EFCAB5: variants seen among roughly 807,000 people sequenced by gnomAD.
EFCAB5 encodes EF-hand calcium-binding domain-containing protein 5.
Under a neutral mutation model 167.9 loss-of-function variants are expected in EFCAB5, and 131 were observed. The observed-to-expected ratio is 0.78, with a 90% confidence interval of 0.68 to 0.90. The LOEUF (loss-of-function observed/expected upper bound fraction) is 0.90, where lower values mean the gene tolerates loss of function less well. Among genes scored for constraint, EFCAB5 ranks in the 40% least tolerant of loss-of-function variants. EFCAB5 has a pLI of 0.00. For synonymous variants in EFCAB5, 574 were observed against 602.8 expected, an observed-to-expected ratio of 0.95 and a Z score of 0.70; for missense variants, 1,663 against 1,745.2, an observed-to-expected ratio of 0.95 and a Z score of 0.84.
chr17:30,086,120 G>A (rs771627104), intron 18 of EFCAB5, among the ~76,000 whole-genome samples: 17 of 151,826 alleles, frequency 1.1e-4, no homozygotes, highest in Middle Eastern at 3.4e-3. Flanking sequence ...CTCAACCTCC[G>A]GGGTAGCTAA....
chr17:29,948,991 G>T (rs946426671), intron 3 of EFCAB5, among the ~76,000 whole-genome samples: 2 of 152,088 alleles, frequency 1.3e-5, no homozygotes, highest in Non-Finnish European at 2.9e-5. Context: ...TAAGGACAAA[G>T]CCGCTGAGTT....
At chr17:30,065,044 C>T (rs553782584) in intron 14 of EFCAB5, among the ~76,000 whole-genome samples, 9 of 152,252 alleles carry the variant, frequency 5.9e-5, no homozygotes, top group Middle Eastern at 3.4e-3. Context: ...ACCACTAAAC[C>T]GGCCTTACAA....
At chr17:29,968,125 C>T (rs533669755) in intron 3 of EFCAB5, among the ~76,000 whole-genome samples, 2 of 152,104 alleles carry the variant, frequency 1.3e-5, no homozygotes, top group African/African-American at 4.8e-5. Context: ...GTCCTCCCGC[C>T]TTGGCCTCCC....
At chr17:29,971,911 G>A (rs1426774868) in intron 4 of EFCAB5, among the ~76,000 whole-genome samples, 1 of 151,982 alleles carries the variant, frequency 6.6e-6, no homozygotes, top group Admixed American at 6.5e-5. Context: ...GTATCATCAT[G>A]GATGCATGGA....
At chr17:29,939,638 A>G (rs2067273065), upstream of EFCAB5, among the ~76,000 whole-genome samples, 1 of 152,224 alleles carries the variant, frequency 6.6e-6, no homozygotes, top group Non-Finnish European at 1.5e-5. Flanking sequence ...TTCACCTTGC[A>G]CTTTTAAGTT....
Position 30,073,082 on chromosome 17 carries a change from G to A in EFCAB5, c.2738-5133G>A, listed in dbSNP as rs1379223008. ...CTTTATTTTTTTTTTTTTGAGACCAGGTCTCACTCTGTCGCCAGGCTGGAG... is the reference window on the plus strand; with the variant it reads ...CTTTATTTTTTTTTTTTTGAGACCAAGTCTCACTCTGTCGCCAGGCTGGAG... On this transcript the variant is annotated intron_variant, in intron 14 of 22. Coordinates refer to ENST00000394835, the MANE Select transcript of EFCAB5 (RefSeq NM_198529.4). The A allele has an allele frequency of 6.0e-6, 4 of 664,830 alleles. 1 individual carries two copies. The highest frequency in any genetic ancestry group is 5.7e-5 in the East Asian group (2 of 35,398). The allele number at this position is 664,830 out of a possible 1,614,324, so 41.2% of individuals were successfully genotyped here.
At chr17:29,953,821 G>A (rs2067558990) in intron 3 of EFCAB5, among the ~76,000 whole-genome samples, 2 of 152,216 alleles carry the variant, frequency 1.3e-5, no homozygotes, top group Non-Finnish European at 2.9e-5. Flanking sequence ...TGGGAAAGTT[G>A]GAACTTCCTA....
Position 30,090,424 on chromosome 17 carries a change from T to A in EFCAB5, c.3687T>A (p.Asp1229Glu). The change falls in exon 20 of 23, where the codon GAT becomes GAA. Residue 1229 changes from aspartate to glutamate, a missense_variant. Physicochemically the swap from Asp to Glu is conservative, Grantham distance 45. Transcript: ENST00000394835. ...GCTTATTTGGTTTTGATTTCAGAGA[T>A]TTCCTCTTTAAATGTACTGACAGTT... ...TIHRKSCIFRDFLFKCTDSSE... is the reference protein window; with the variant it reads ...TIHRKSCIFREFLFKCTDSSE... The A allele has an allele frequency of 8.7e-6, 14 of 1,610,500 alleles. No homozygotes were observed. Among genetic ancestry groups the A allele is most frequent in the Non-Finnish European group, 1.2e-5 (14 of 1,178,570 alleles).
Position 30,044,580 on chromosome 17 carries a change from GA to G in EFCAB5, c.1201-6528del, listed in dbSNP as rs903877603. ...AACAAAGCAAGACTCGATCTCACAA[GA>G]AAAAAAAAATCTGATATTCATTATA... On this transcript the variant is annotated intron_variant, in intron 8 of 22. Transcript: ENST00000394835. Among the ~76,000 whole-genome samples the G allele has an allele frequency of 7.4e-3, 1,078 of 145,924 alleles. 15 individuals are homozygous for G. The highest frequency in any genetic ancestry group is 0.023 in the African/African-American group (923 of 39,778).
intron 8 of EFCAB5, 70 bp from the exon 9 acceptor site, chr17:30,051,047 GC>G: frequency 7.7e-7 from 1 of 1,292,702 alleles, no homozygotes; most frequent in South Asian, 1.3e-5. Flanking sequence ...GCTTCAATAA[GC>G]CACGTTCCAA....
At chr17:29,941,253 A>C (rs1352190750), upstream of EFCAB5, among the ~76,000 whole-genome samples, 1 of 152,156 alleles carries the variant, frequency 6.6e-6, no homozygotes, top group African/African-American at 2.4e-5. Context: ...CATTTGCAGT[A>C]AAGTGGGGAT....
chr17:30,079,566 C>G (rs1318953580), intron 15 of EFCAB5, among the ~76,000 whole-genome samples: 1 of 152,054 alleles, frequency 6.6e-6, no homozygotes, highest in East Asian at 1.9e-4. Flanking sequence ...CAATCTTGGG[C>G]CACAAAAAAA....
intron 7 of EFCAB5, among the ~76,000 whole-genome samples, chr17:30,008,940 A>G (rs1168413416): frequency 2.6e-5 from 4 of 152,128 alleles, no homozygotes; most frequent in Non-Finnish European, 5.9e-5. Flanking sequence ...TTCTCTCAGG[A>G]GGGTCTGTGG....
intron 10 of EFCAB5, among the ~76,000 whole-genome samples, chr17:30,055,326 A>G (rs1363402816): frequency 7.6e-5 from 2 of 26,370 alleles, no homozygotes; most frequent in Admixed American, 7.7e-4. Context: ...GAGAGAGAGG[A>G]AGGAAGGAAG....
intron 3 of EFCAB5, among the ~76,000 whole-genome samples, chr17:29,948,508 TC>T (rs1305135101): frequency 4.6e-5 from 7 of 152,152 alleles, no homozygotes; most frequent in Admixed American, 2.0e-4. Context: ...AACTTTTTAC[TC>T]TAAATCCCTC....
intron 22 of EFCAB5, among the ~76,000 whole-genome samples, chr17:30,098,044 C>T (rs1201298902): frequency 6.6e-6 from 1 of 152,128 alleles, no homozygotes; most frequent in East Asian, 1.9e-4. Flanking sequence ...AAGCAATCCT[C>T]TGGGCTCAGG....
rs1167935954 is a variant in EFCAB5 at position 30,051,125 on chromosome 17, T to G, written c.1208T>G (p.Phe403Cys). ...ACTTTCTTCTTTGCTTAGGTAGGGT[T>G]TTTGGATCGGCAGAGGACATTGGCC... ...FLHCDHGKVG[F>C]LDRQRTLALL... Residue 403 changes from phenylalanine (F) to cysteine (C), a missense_variant, in exon 9 of 23, where the codon TTT (phenylalanine) becomes TGT (cysteine). Coordinates refer to ENST00000394835, the MANE Select transcript of EFCAB5 (RefSeq NM_198529.4). 1.9e-6 allele frequency: 3 copies of G among 1,613,818 alleles called. No homozygotes were observed. The highest frequency in any genetic ancestry group is 2.5e-6 in the Non-Finnish European group (3 of 1,179,756).
intron 7 of EFCAB5, among the ~76,000 whole-genome samples, chr17:30,000,637 C>T (rs1233001683): frequency 1.3e-5 from 2 of 152,104 alleles, no homozygotes; most frequent in Non-Finnish European, 2.9e-5. Context: ...CTTTCTGTTT[C>T]TCTTTTCATA....
At chr17:30,056,570 G>A (rs1412787487) in intron 12 of EFCAB5, among the ~76,000 whole-genome samples, 2 of 152,104 alleles carry the variant, frequency 1.3e-5, no homozygotes, top group African/African-American at 4.8e-5. Flanking sequence ...AATCTATCTT[G>A]TTTTTGAAGA....
Sources: gnomAD v4.1 joint callset for allele counts (sites outside exome capture counted in the v4.1 genomes callset) on GRCh38, gnomAD v4.1.1 for gene constraint, MANE v1.5 for transcripts, NCBI Gene and HGNC (gene_info 2026-07-23, HGNC 2026-07-21) for gene names.